Variants in HMGCLL1 observed in about 807,000 individuals in gnomAD.
The protein encoded by HMGCLL1 is 3-hydroxymethyl-3-methylglutaryl-CoA lyase, cytoplasmic.
A neutral mutation model predicts 39.1 loss-of-function variants in HMGCLL1; 36 were observed. The observed-to-expected ratio is 0.92, with a 90% CI of 0.71 to 1.22. The LOEUF is 1.22. Among genes scored for constraint, HMGCLL1 ranks in the 50% most tolerant of loss-of-function variants. The pLI is 0.00. For missense variants in HMGCLL1, 451 were observed against 416.5 expected (o/e 1.08, Z -0.72); for synonymous variants, 149 against 144.0 (o/e 1.03, Z -0.25).
At chr6:55,624,933 G>A in the HMGCLL1 span, among the ~76,000 whole-genome samples, 1 of 152,028 alleles carries the variant, frequency 6.6e-6, no homozygotes, top group Non-Finnish European at 1.5e-5. Flanking sequence ...TTTTTAATGT[G>A]GTCCAGAACA....
At chr6:55,497,315 C>T (rs1766633153) in intron 6 of HMGCLL1, among the ~76,000 whole-genome samples, 1 of 151,046 alleles carries the variant, frequency 6.6e-6, no homozygotes, top group Non-Finnish European at 1.5e-5. Flanking sequence ...CTTGGTTACT[C>T]TGTTCTTAAA....
chr6:55,437,688 T>A (rs7776283), intron 8 of HMGCLL1, among the ~76,000 whole-genome samples: 1 of 151,734 alleles, frequency 6.6e-6, no homozygotes, highest in East Asian at 1.9e-4. Flanking sequence ...CCACTGATCC[T>A]TGCTCAAGCA....
intron 5 of HMGCLL1, among the ~76,000 whole-genome samples, chr6:55,502,972 C>A (rs921380046): frequency 4.5e-5 from 1 of 22,056 alleles, no homozygotes; most frequent in African/African-American, 1.1e-4. Context: ...ACCTTCTGTT[C>A]TGCTAAAGTT....
chr6:55,454,527 G>T (rs192559638), intron 7 of HMGCLL1, among the ~76,000 whole-genome samples: 4 of 152,316 alleles, frequency 2.6e-5, no homozygotes, highest in Non-Finnish European at 5.9e-5. Context: ...TAGCAGAGCT[G>T]AAAAATCACT....
the HMGCLL1 span, among the ~76,000 whole-genome samples, chr6:55,671,761 T>TC: frequency 4.0e-5 from 6 of 151,784 alleles, no homozygotes; most frequent in Admixed American, 4.0e-4. Context: ...ATTTGGGGAT[T>TC]CTTTTTTTTA....
At chr6:55,549,400 G>A (rs990051384) in intron 1 of HMGCLL1, among the ~76,000 whole-genome samples, 1 of 151,520 alleles carries the variant, frequency 6.6e-6, no homozygotes, top group Non-Finnish European at 1.5e-5. Context: ...GTGTGTGTGT[G>A]TGTGTGTCTG....
intron 3 of HMGCLL1, among the ~76,000 whole-genome samples, chr6:55,535,619 G>A (rs574785693): frequency 1.1e-4 from 16 of 152,058 alleles, no homozygotes; most frequent in Non-Finnish European, 2.2e-4. Context: ...CCCTCTTTCA[G>A]CCAACATTCT....
chr6:55,485,191 C>T (rs1435919546), intron 7 of HMGCLL1, among the ~76,000 whole-genome samples: 1 of 152,070 alleles, frequency 6.6e-6, no homozygotes, highest in Non-Finnish European at 1.5e-5. Context: ...CAACCTGCCC[C>T]CTTTCACCAC....
At chr6:55,554,506 C>G (rs1352416737) in intron 1 of HMGCLL1, among the ~76,000 whole-genome samples, 3 of 152,042 alleles carry the variant, frequency 2.0e-5, no homozygotes, top group African/African-American at 7.2e-5. Context: ...ATTTAGCCAT[C>G]ATTCTTGGGG....
At chr6:55,642,543 T>C in the HMGCLL1 span, among the ~76,000 whole-genome samples, 1 of 152,118 alleles carries the variant, frequency 6.6e-6, no homozygotes, top group Non-Finnish European at 1.5e-5. Flanking sequence ...TGCTTAATAA[T>C]CACATCATGG....
chr6:55,566,466 G>C, intron 1 of HMGCLL1: 1 of 256,366 alleles, frequency 3.9e-6, no homozygotes, highest in South Asian at 4.2e-5. Flanking sequence ...GCGTGACTTG[G>C]AAAGTTATAA....
chr6:55,444,249 G>A (rs1036767521), intron 7 of HMGCLL1, among the ~76,000 whole-genome samples: 8 of 151,938 alleles, frequency 5.3e-5, no homozygotes, highest in African/African-American at 1.2e-4. Context: ...GTCTTCACTC[G>A]TCAATATTCT....
At chr6:55,566,458 G>C in intron 1 of HMGCLL1, 1 of 259,872 alleles carries the variant, frequency 3.8e-6, no homozygotes, top group Non-Finnish European at 8.0e-6. Context: ...TCAAGGAAGC[G>C]TGACTTGGAA....
the HMGCLL1 span, among the ~76,000 whole-genome samples, chr6:55,636,333 G>A: frequency 6.6e-6 from 1 of 152,078 alleles, no homozygotes; most frequent in Non-Finnish European, 1.5e-5. Flanking sequence ...GATCAAGATG[G>A]AACATCAACA....
the HMGCLL1 span, among the ~76,000 whole-genome samples, chr6:55,611,981 AG>A: frequency 3.9e-5 from 6 of 152,204 alleles, no homozygotes; most frequent in Non-Finnish European, 8.8e-5. Flanking sequence ...AAAGAAATAA[AG>A]GGTATTCAAA....
At chr6:55,642,177 C>T in the HMGCLL1 span, among the ~76,000 whole-genome samples, 69 of 141,342 alleles carry the variant, frequency 4.9e-4, no homozygotes, top group African/African-American at 1.6e-3. Flanking sequence ...TTTGTTCTTG[C>T]GATAGTTTAC....
At chr6:55,673,413 A>G in the HMGCLL1 span, among the ~76,000 whole-genome samples, 7 of 151,976 alleles carry the variant, frequency 4.6e-5, no homozygotes, top group Non-Finnish European at 8.8e-5. Flanking sequence ...CCAATATTAC[A>G]AAAAAATGAA....
chr6:55,573,207 C>T (rs149694655), intron 1 of HMGCLL1, among the ~76,000 whole-genome samples: 4 of 152,268 alleles, frequency 2.6e-5, no homozygotes, highest in African/African-American at 9.6e-5. Flanking sequence ...ACTTGATTAG[C>T]TTAATTTAAG....
chr6:55,593,342 T>C, the HMGCLL1 span, among the ~76,000 whole-genome samples: 2 of 152,192 alleles, frequency 1.3e-5, no homozygotes, highest in Non-Finnish European at 2.9e-5. Flanking sequence ...AAAATTAGTT[T>C]TTTAGGATTT....
Sources: allele counts gnomAD v4.1 joint callset (sites outside exome capture counted in the v4.1 genomes callset), GRCh38; gene constraint gnomAD v4.1.1; transcripts MANE v1.5; gene names NCBI Gene and HGNC (gene_info 2026-07-23, HGNC 2026-07-21).